DLGAP2: variants seen among roughly 807,000 people sequenced by gnomAD.
The protein encoded by DLGAP2 is DLG associated protein 2.
In DLGAP2, 26 loss-of-function variants were observed where a neutral mutation model predicts 100.3. The observed-to-expected ratio is 0.26, with a 90% CI of 0.19 to 0.36. The LOEUF (loss-of-function observed/expected upper bound fraction) is 0.36. DLGAP2 is among the 10% of genes least tolerant of loss of function. DLGAP2 has a pLI of 1.00. For missense variants in DLGAP2, 1,858 were observed against 1,453.2 expected (o/e 1.28, Z -4.53); for synonymous variants, 886 against 630.1 (o/e 1.41, Z -6.08).
chr8:953,775 T>G (rs1799535999), intron 2 of DLGAP2, among the ~76,000 whole-genome samples: 1 of 150,930 alleles, frequency 6.6e-6, no homozygotes, highest in African/African-American at 2.5e-5. Context: ...TGAAATTGAG[T>G]GCTTCCGTTT....
At chr8:1,543,751 C>G (rs1276771627) in intron 4 of DLGAP2, among the ~76,000 whole-genome samples, 1 of 152,228 alleles carries the variant, frequency 6.6e-6, no homozygotes, top group Non-Finnish European at 1.5e-5. Flanking sequence ...CAGGGAATCT[C>G]TAGGTCACTT....
At chr8:969,951 C>G (rs1347226513) in intron 2 of DLGAP2, among the ~76,000 whole-genome samples, 1 of 152,122 alleles carries the variant, frequency 6.6e-6, no homozygotes, top group African/African-American at 2.4e-5. Context: ...ATATTCAAAA[C>G]TATTATCTGA....
intron 2 of DLGAP2, among the ~76,000 whole-genome samples, chr8:1,063,390 A>G (rs988337385): frequency 6.6e-6 from 1 of 152,174 alleles, no homozygotes; most frequent in African/African-American, 2.4e-5. Context: ...TCGGGGTTGT[A>G]CCGTCCACAA....
chr8:1,585,428 C>T (rs904153982), intron 6 of DLGAP2, among the ~76,000 whole-genome samples: 7 of 152,204 alleles, frequency 4.6e-5, no homozygotes, highest in Non-Finnish European at 8.8e-5. Context: ...TGCACCACTG[C>T]ACTCCAGCCT....
intron 2 of DLGAP2, among the ~76,000 whole-genome samples, chr8:1,027,564 A>G (rs1352458310): frequency 0.035 from 1,675 of 48,340 alleles, no homozygotes; most frequent in Middle Eastern, 0.14. Context: ...TGGGGTGCCA[A>G]GCGCCCGTTA....
At chr8:1,602,454 G>A (rs909007986) in intron 6 of DLGAP2, among the ~76,000 whole-genome samples, 2 of 152,206 alleles carry the variant, frequency 1.3e-5, no homozygotes, top group Non-Finnish European at 2.9e-5. Context: ...TTCCACACAG[G>A]GAATATACTG....
intron 3 of DLGAP2, among the ~76,000 whole-genome samples, chr8:1,432,479 G>A (rs1308245770): frequency 2.0e-5 from 3 of 152,258 alleles, no homozygotes; most frequent in South Asian, 2.1e-4. Flanking sequence ...AGATTCATGG[G>A]GCATATTGTC....
chr8:773,846 C>T (rs1304788271), intron 1 of DLGAP2, among the ~76,000 whole-genome samples: 2 of 152,102 alleles, frequency 1.3e-5, no homozygotes, highest in Non-Finnish European at 2.9e-5. Flanking sequence ...GATTTATAGT[C>T]CTTTGGGTAT....
At chr8:1,694,501 G>C (rs1042045929) in intron 13 of DLGAP2, among the ~76,000 whole-genome samples, 1 of 152,230 alleles carries the variant, frequency 6.6e-6, no homozygotes, top group African/African-American at 2.4e-5. Flanking sequence ...CAGGTGGCTT[G>C]TGACACAACC....
intron 8 of DLGAP2, among the ~76,000 whole-genome samples, chr8:1,649,105 T>G (rs1406959685): frequency 6.6e-6 from 1 of 152,184 alleles, no homozygotes; most frequent in Non-Finnish European, 1.5e-5. Context: ...AAGTAAAAAT[T>G]ATCCAGGTGT....
intron 7 of DLGAP2, among the ~76,000 whole-genome samples, chr8:1,629,121 G>A (rs758246757): frequency 3.9e-5 from 6 of 152,126 alleles, no homozygotes; most frequent in Admixed American, 6.5e-5. Context: ...TTCTTTTGCC[G>A]CAGACTTTAA....
intron 3 of DLGAP2, among the ~76,000 whole-genome samples, chr8:1,452,674 A>G (rs1798195374): frequency 6.6e-6 from 1 of 152,206 alleles, no homozygotes; most frequent in Non-Finnish European, 1.5e-5. Context: ...CATTATCAGC[A>G]AAGGCTCTGT....
chr8:1,621,127 C>G (rs1797320633), intron 6 of DLGAP2: 1 of 152,292 alleles, frequency 6.6e-6, no homozygotes, highest in Non-Finnish European at 1.5e-5. Flanking sequence ...TCCAAGCACC[C>G]AGACTTACGT....
intron 1 of DLGAP2, among the ~76,000 whole-genome samples, chr8:899,428 C>G (rs1456222338): frequency 6.6e-6 from 1 of 152,196 alleles, no homozygotes; most frequent in Non-Finnish European, 1.5e-5. Flanking sequence ...TGGCAAGACC[C>G]AGGATACCGG....
rs190221372 is a variant in DLGAP2, at chr8:1,354,402, A to T, written c.106+95519A>T. Among the ~76,000 whole-genome samples, 26 of 152,258 alleles carry T rather than the reference A, an allele frequency of 1.7e-4. No homozygotes were observed. The East Asian group carries it at 4.4e-3, about 26-fold the overall frequency. On this transcript the variant is annotated intron_variant, in intron 3 of 14. Coordinates refer to ENST00000637795, the MANE Select transcript of DLGAP2 (RefSeq NM_001346810.2). ...GTGGTGCGTGCTTGTAGTCCCAGCT[A>T]CTCGGGAGACTGAGGCACCAGAATC...
At chr8:1,240,276 TTCTGTTACATGGC>T in intron 2 of DLGAP2, among the ~76,000 whole-genome samples, 1 of 64,430 alleles carries the variant, frequency 1.6e-5, no homozygotes, top group Non-Finnish European at 4.6e-5. Flanking sequence ...CCGTGTCTAG[TTCTGTTACATGGC>T]GCCGTGTCTA....
At chr8:1,412,878 G>A (rs149005708) in intron 3 of DLGAP2, among the ~76,000 whole-genome samples, 120 of 152,216 alleles carry the variant, frequency 7.9e-4, no homozygotes, top group African/African-American at 2.5e-3. Context: ...AGTGCCTCTC[G>A]CATGCTATTT....
chr8:1,191,675 C>G (rs958085055), intron 2 of DLGAP2, among the ~76,000 whole-genome samples: 5 of 152,174 alleles, frequency 3.3e-5, no homozygotes, highest in African/African-American at 9.7e-5. Flanking sequence ...CATTAGAAAT[C>G]AAGAAGGAAC....
chr8:883,512 C>G (rs77701895), intron 1 of DLGAP2, among the ~76,000 whole-genome samples: 19,115 of 150,844 alleles, frequency 0.13, 1,554 homozygotes, highest in Admixed American at 0.18. Context: ...CCCTTAATTT[C>G]TTCTTAAAAA....
Sources: allele counts gnomAD v4.1 joint callset (sites outside exome capture counted in the v4.1 genomes callset), GRCh38; gene constraint gnomAD v4.1.1; transcripts MANE v1.5; gene names NCBI Gene and HGNC (gene_info 2026-07-23, HGNC 2026-07-21).